PLCZ1: variants seen among roughly 807,000 people sequenced by gnomAD.
PLCZ1 encodes 1-phosphatidylinositol 4,5-bisphosphate phosphodiesterase zeta-1.
A neutral mutation model predicts 76.8 loss-of-function variants in PLCZ1; 64 were observed. The observed-to-expected ratio is 0.83, with a 90% CI of 0.68 to 1.03. The LOEUF (loss-of-function observed/expected upper bound fraction) is 1.03. Ranked by LOEUF, PLCZ1 falls within the 50% of genes least tolerant of loss-of-function variation. PLCZ1 has a pLI of 0.00. For synonymous variants in PLCZ1, 248 were observed against 230.8 expected (o/e 1.07, Z -0.68); for missense variants, 751 against 713.7 (o/e 1.05, Z -0.60).
intron 10 of PLCZ1, 38 bp downstream of exon 10, chr12:18,699,756 A>T: frequency 1.3e-6 from 2 of 1,583,462 alleles, no homozygotes; most frequent in Non-Finnish European, 1.7e-6. Flanking sequence ...AATCTAACTC[A>T]TTTAAACATT....
At position 18,696,238 on chromosome 12, in the gene PLCZ1, C is replaced by G. The variant is rs759461298; in HGVS notation, c.1203G>C (p.Lys401Asn). 2 of 1,588,122 alleles carry G rather than the reference C, an allele frequency of 1.3e-6. No individual in the cohort carries two copies. Among genetic ancestry groups the G allele is most frequent in the South Asian group, 2.2e-5 (2 of 89,868 alleles). Residue 401 changes from lysine to asparagine, a missense_variant, in exon 11 of 15, where the codon AAG becomes AAC. Coordinates refer to ENST00000266505, the MANE Select transcript of PLCZ1 (RefSeq NM_033123.4). Reference sequence around the variant, plus strand: ...CTTTGGGATATATTCTGGTAATGAACTTCCTGGTGTGAAAAATAAACTCAT... The same window carrying G: ...CTTTGGGATATATTCTGGTAATGAAGTTCCTGGTGTGAAAAATAAACTCAT... ...RVHEFIFHTRKFITRIYPKAT... is the reference protein window; with the variant it reads ...RVHEFIFHTRNFITRIYPKAT...
chr12:18,696,339 T>G, intron 10 of PLCZ1, 73 bp from the exon 11 acceptor site: 1 of 260,020 alleles, frequency 3.8e-6, no homozygotes, highest in Non-Finnish European at 6.6e-6. Flanking sequence ...TATATATATA[T>G]ATATATATAT....
chr12:18,695,103 A>C, intron 11 of PLCZ1, 24 bp from the exon 12 acceptor site: 1 of 1,600,364 alleles, frequency 6.2e-7, no homozygotes, highest in Non-Finnish European at 8.6e-7. Flanking sequence ...GTATTTTGAC[A>C]TTGTCAGGTA....
At position 18,711,050 on chromosome 12, in the gene PLCZ1, C is replaced by T. The variant is rs1012395210; in HGVS notation, c.714+1792G>A. 3.7e-4 allele frequency among the ~76,000 whole-genome samples: 57 copies of T among 152,074 alleles called. No individual in the cohort carries two copies. In the Middle Eastern group the frequency reaches 0.01, roughly 27 times the overall value. On this transcript the variant is annotated intron_variant, in intron 6 of 14. Transcript: ENST00000266505. ...CATTACTAGGTATATACCCAAAGGA[C>T]TATAAATCATGCTGCTATAAAGACA... is the stretch of plus-strand genomic sequence containing the variant.
At chr12:18,711,603 C>T (rs2035623) in intron 6 of PLCZ1, among the ~76,000 whole-genome samples, 134,905 of 150,842 alleles carry the variant, frequency 0.89, 60,396 homozygotes, top group East Asian at 1. Flanking sequence ...ACTGAGGGGA[C>T]TGAGAGAAGG....
intron 4 of PLCZ1, among the ~76,000 whole-genome samples, chr12:18,719,978 T>G (rs1218265373): frequency 6.6e-6 from 1 of 152,072 alleles, no homozygotes; most frequent in East Asian, 1.9e-4. Context: ...AGCATTGCAG[T>G]GTTCCAGAAG....
the PLCZ1 span, among the ~76,000 whole-genome samples, chr12:18,650,741 T>G: frequency 5.3e-5 from 2 of 37,764 alleles, no homozygotes; most frequent in Non-Finnish European, 8.9e-5. Context: ...TATATATATA[T>G]ATATATATAT....
chr12:18,726,630 C>G (rs1958765962), intron 3 of PLCZ1, among the ~76,000 whole-genome samples: 1 of 151,462 alleles, frequency 6.6e-6, no homozygotes, highest in Admixed American at 6.6e-5. Flanking sequence ...TGAAGGCTTT[C>G]CATATTGTCA....
the PLCZ1 span, among the ~76,000 whole-genome samples, chr12:18,656,180 G>A: frequency 1.3e-5 from 2 of 152,150 alleles, no homozygotes; most frequent in African/African-American, 4.8e-5. Flanking sequence ...TGTAATCCCA[G>A]CACTTTGTGA....
At chr12:18,670,565 G>C in the PLCZ1 span, among the ~76,000 whole-genome samples, 1 of 152,034 alleles carries the variant, frequency 6.6e-6, no homozygotes, top group Non-Finnish European at 1.5e-5. Context: ...TTGATATGAG[G>C]GTTAACTTCC....
chr12:18,681,539 T>A (rs1952417443), downstream of PLCZ1, among the ~76,000 whole-genome samples: 1 of 152,084 alleles, frequency 6.6e-6, no homozygotes, highest in Non-Finnish European at 1.5e-5. Context: ...TTAATAGTTC[T>A]TGTGAGAAAA....
intron 12 of PLCZ1, among the ~76,000 whole-genome samples, chr12:18,690,683 C>G (rs1316426615): frequency 4.6e-5 from 7 of 152,142 alleles, no homozygotes; most frequent in African/African-American, 1.7e-4. Context: ...CTAACCTAGC[C>G]TAGGAAAATG....
At position 18,719,595 on chromosome 12, in the gene PLCZ1, T is replaced by C. The variant is rs537983766; in HGVS notation, c.405A>G (p.Thr135=). ...GACATTCACGTGAATCCATGTATCT[T>C]GTAAAACCTTCTAATGACATTTGGT... ...KAHQMSLEGF[T]RYMDSRECLL... Residue 135 remains threonine, a synonymous_variant, in exon 5 of 15, where the codon ACA becomes ACG. Coordinates refer to ENST00000266505, the MANE Select transcript of PLCZ1 (RefSeq NM_033123.4). The C allele has an allele frequency of 1.0e-5, 16 of 1,605,610 alleles. No individual in the cohort carries two copies. Among genetic ancestry groups the C allele is most frequent in the African/African-American group, 4.0e-5 (3 of 74,718 alleles).
the PLCZ1 span, among the ~76,000 whole-genome samples, chr12:18,662,628 A>G: frequency 6.6e-6 from 1 of 152,166 alleles, no homozygotes. Context: ...TATTTAAGAT[A>G]TTAATGCATT....
intron 5 of PLCZ1, among the ~76,000 whole-genome samples, chr12:18,717,888 C>T (rs1017827673): frequency 6.6e-6 from 1 of 152,072 alleles, no homozygotes; most frequent in African/African-American, 2.4e-5. Context: ...AATCGCATTT[C>T]GAATTTTGAA....
At chr12:18,694,481 C>A (rs1375704671) in intron 12 of PLCZ1, among the ~76,000 whole-genome samples, 1 of 152,030 alleles carries the variant, frequency 6.6e-6, no homozygotes, top group Non-Finnish European at 1.5e-5. Flanking sequence ...GGGGAAGAAT[C>A]CTGACCTACA....
chr12:18,659,721 C>T, the PLCZ1 span, among the ~76,000 whole-genome samples: 2,648 of 144,704 alleles, frequency 0.018, 42 homozygotes, highest in Middle Eastern at 0.058. Context: ...ATGTGCACAA[C>T]GTGCAGGTTT....
chr12:18,668,532 C>T, the PLCZ1 span, among the ~76,000 whole-genome samples: 1 of 152,226 alleles, frequency 6.6e-6, no homozygotes, highest in Non-Finnish European at 1.5e-5. Flanking sequence ...GGACTGCAAC[C>T]CTAGTGCCCT....
intron 3 of PLCZ1, among the ~76,000 whole-genome samples, chr12:18,733,852 C>A (rs1026065609): frequency 6.6e-6 from 1 of 152,110 alleles, no homozygotes; most frequent in Non-Finnish European, 1.5e-5. Flanking sequence ...TACCATACTG[C>A]CTCAATTACT....
Sources: allele counts gnomAD v4.1 joint callset (sites outside exome capture counted in the v4.1 genomes callset), GRCh38; gene constraint gnomAD v4.1.1; transcripts MANE v1.5; gene names NCBI Gene and HGNC (gene_info 2026-07-23, HGNC 2026-07-21).